CCDC171: variants seen among roughly 807,000 people sequenced by gnomAD.
CCDC171 encodes the protein coiled-coil domain-containing protein 171.
Under a neutral mutation model 168.2 loss-of-function variants are expected in CCDC171, and 177 were observed. That is an observed-to-expected ratio of 1.05 (90% confidence interval 0.93 to 1.19). The LOEUF (loss-of-function observed/expected upper bound fraction) is 1.19, where lower values mean the gene tolerates loss of function less well. CCDC171 is among the 50% of genes most tolerant of loss of function. The pLI is 0.00. For missense variants in CCDC171, 1,991 were observed against 1,539.0 expected (o/e 1.29, Z -4.91); for synonymous variants, 687 against 540.8 (o/e 1.27, Z -3.75).
intron 24 of CCDC171, among the ~76,000 whole-genome samples, chr9:15,894,667 T>C (rs1221433354): frequency 1.3e-5 from 2 of 152,010 alleles, no homozygotes; most frequent in Non-Finnish European, 1.5e-5. Context: ...CATAGGCCCA[T>C]TTTAGAGGCT....
upstream of CCDC171, among the ~76,000 whole-genome samples, chr9:16,039,275 T>C (rs1833532173): frequency 6.6e-6 from 1 of 152,182 alleles, no homozygotes; most frequent in South Asian, 2.1e-4. Flanking sequence ...CTCCCTCATG[T>C]GGCTGAGGCC....
chr9:15,631,692 C>T (rs749859205), intron 7 of CCDC171, among the ~76,000 whole-genome samples: 20 of 152,078 alleles, frequency 1.3e-4, no homozygotes, highest in Non-Finnish European at 1.5e-4. Flanking sequence ...CATTCTGATA[C>T]GAAAGCCGGG....
chr9:15,718,251 A>G (rs1385491626), intron 11 of CCDC171, among the ~76,000 whole-genome samples: 2 of 152,086 alleles, frequency 1.3e-5, no homozygotes, highest in Non-Finnish European at 2.9e-5. Flanking sequence ...CTCCTCTGCT[A>G]TGGAAATGGG....
chr9:15,793,554 T>TTTTTTTTTTG (rs2058386623), intron 21 of CCDC171, among the ~76,000 whole-genome samples: 2 of 41,682 alleles, frequency 4.8e-5, no homozygotes, highest in African/African-American at 5.7e-5. Context: ...TTCCAAGGTT[T>TTTTTTTTTTG]TTTTTTTTTT....
Position 16,044,045 on chromosome 9 carries a change from C to T in CCDC171, n.89+1159C>T, listed in dbSNP as rs115693352. Among the ~76,000 whole-genome samples the T allele has an allele frequency of 2.8e-3, 421 of 152,296 alleles. 2 individuals carry two copies. Among genetic ancestry groups the T allele is most frequent in the African/African-American group, 9.5e-3 (395 of 41,556 alleles). Reference sequence around the variant, plus strand: ...GAAACAGCATTTGATTGGGAAGAGGCCTTCGGTCATTTATCTCTCACTTTT... The same window carrying T: ...GAAACAGCATTTGATTGGGAAGAGGTCTTCGGTCATTTATCTCTCACTTTT... On this transcript the variant is annotated intron_variant and non_coding_transcript_variant, in intron 1 of 1. Transcript: ENST00000478913.
At chr9:15,814,825 C>G (rs910642746) in intron 21 of CCDC171, among the ~76,000 whole-genome samples, 2 of 152,126 alleles carry the variant, frequency 1.3e-5, no homozygotes, top group Non-Finnish European at 2.9e-5. Flanking sequence ...ATTTGAGCCT[C>G]TACTATGTAA....
intron 24 of CCDC171, among the ~76,000 whole-genome samples, chr9:15,906,098 G>A (rs533812342): frequency 1.6e-4 from 24 of 152,276 alleles, no homozygotes; most frequent in African/African-American, 4.6e-4. Flanking sequence ...AGAGGTACAA[G>A]GAGGAGCTGT....
At chr9:15,802,053 C>T (rs888142901) in intron 21 of CCDC171, among the ~76,000 whole-genome samples, 2 of 151,790 alleles carry the variant, frequency 1.3e-5, no homozygotes, top group Non-Finnish European at 2.9e-5. Flanking sequence ...CCTCAATATT[C>T]ATAATAAATA....
intron 23 of CCDC171, among the ~76,000 whole-genome samples, chr9:15,867,053 G>C (rs1395468372): frequency 6.6e-6 from 1 of 152,038 alleles, no homozygotes; most frequent in East Asian, 1.9e-4. Flanking sequence ...AGACCTAGAG[G>C]AGAAAGCCTA....
chr9:15,965,929 GTATA>G (rs1193825705), intron 25 of CCDC171, among the ~76,000 whole-genome samples: 1 of 152,140 alleles, frequency 6.6e-6, no homozygotes, highest in African/African-American at 2.4e-5. Flanking sequence ...GACATAATCT[GTATA>G]TGTGTGAAAT....
At chr9:15,582,912 C>T (rs1316648814) in intron 4 of CCDC171, among the ~76,000 whole-genome samples, 1 of 149,356 alleles carries the variant, frequency 6.7e-6, no homozygotes, top group Non-Finnish European at 1.5e-5. Flanking sequence ...GCACATGTAT[C>T]TCGGAACTTA....
chr9:15,880,585 T>G lies in CCDC171; in HGVS notation c.3600+5922T>G, dbSNP rs149480265. Among the ~76,000 whole-genome samples the G allele has an allele frequency of 5.0e-3, 760 of 150,764 alleles. 6 individuals carry two copies. Among genetic ancestry groups the G allele is most frequent in the Non-Finnish European group, 8.6e-3 (585 of 67,814 alleles). On this transcript the variant is annotated intron_variant, in intron 24 of 25. Transcript: ENST00000380701. Reference sequence around the variant, plus strand: ...GAATTTCCTGCCTCAGACTCCTGAGTAGCTGGGACTGCAGGCATGTGCCAC... The same window carrying G: ...GAATTTCCTGCCTCAGACTCCTGAGGAGCTGGGACTGCAGGCATGTGCCAC...
At chr9:16,034,842 C>G (rs1833433003) in intron 6 of CCDC171, among the ~76,000 whole-genome samples, 1 of 152,160 alleles carries the variant, frequency 6.6e-6, no homozygotes, top group East Asian at 1.9e-4. Context: ...TGGAGTCCTC[C>G]ATTTGGTTTT....
At chr9:15,940,980 A>G (rs962790401) in intron 25 of CCDC171, among the ~76,000 whole-genome samples, 35 of 151,968 alleles carry the variant, frequency 2.3e-4, no homozygotes, top group South Asian at 1.2e-3. Context: ...TGGAGATTGG[A>G]CTAGATAATC....
intron 23 of CCDC171, among the ~76,000 whole-genome samples, chr9:15,853,181 A>C (rs1470764156): frequency 6.6e-6 from 1 of 151,610 alleles, no homozygotes; most frequent in African/African-American, 2.4e-5. Context: ...TGTCATCTTA[A>C]CAAAATATTA....
chr9:15,554,139 C>T (rs896614631), intron 1 of CCDC171, among the ~76,000 whole-genome samples: 1 of 152,046 alleles, frequency 6.6e-6, no homozygotes, highest in African/African-American at 2.4e-5. Flanking sequence ...CCTGTCTCAG[C>T]CTCCCCAGCA....
chr9:16,102,918 C>G, the CCDC171 span, among the ~76,000 whole-genome samples: 5 of 152,182 alleles, frequency 3.3e-5, no homozygotes, highest in Non-Finnish European at 4.4e-5. Context: ...CAGTCCATAC[C>G]CACCCTCAGC....
At chr9:15,571,281 C>T (rs1471162621) in intron 2 of CCDC171, among the ~76,000 whole-genome samples, 1 of 151,930 alleles carries the variant, frequency 6.6e-6, no homozygotes, top group Non-Finnish European at 1.5e-5. Context: ...TTGCAGTAAA[C>T]AAAATGTATT....
At chr9:15,963,494 A>C (rs1325999332) in intron 25 of CCDC171, among the ~76,000 whole-genome samples, 1 of 152,204 alleles carries the variant, frequency 6.6e-6, no homozygotes, top group Non-Finnish European at 1.5e-5. Flanking sequence ...GATACATTTA[A>C]ATTTTTTGTC....
Sources: allele counts gnomAD v4.1 joint callset (sites outside exome capture counted in the v4.1 genomes callset), GRCh38; gene constraint gnomAD v4.1.1; transcripts MANE v1.5; gene names NCBI Gene and HGNC (gene_info 2026-07-23, HGNC 2026-07-21).